GLIS1: variants seen among roughly 807,000 people sequenced by gnomAD.
GLIS1 encodes the protein GLIS family zinc finger 1, also known as zinc finger protein GLIS1.
A neutral mutation model predicts 63.8 loss-of-function variants in GLIS1; 24 were observed. The observed-to-expected ratio is 0.38, with a 90% CI of 0.27 to 0.53. The LOEUF is 0.53. GLIS1 is among the 20% of genes least tolerant of loss of function. The probability of loss-of-function intolerance (pLI) is 0.85; values close to 1 mark genes in which losing one functional copy is unlikely to be tolerated. For synonymous variants in GLIS1, 450 were observed against 482.5 expected (o/e 0.93, Z 0.88); for missense variants, 1,036 against 1,074.1 (o/e 0.96, Z 0.50).
chr1:53,722,074 A>G (rs1383781931), intron 2 of GLIS1, among the ~76,000 whole-genome samples: 3 of 152,250 alleles, frequency 2.0e-5, no homozygotes, highest in African/African-American at 7.2e-5. Context: ...CTAATAATCA[A>G]ACAAACATAT....
intron 2 of GLIS1, among the ~76,000 whole-genome samples, chr1:53,718,730 G>A (rs12354292): frequency 3.3e-5 from 5 of 152,112 alleles, no homozygotes; most frequent in Admixed American, 6.6e-5. Context: ...GTGGAAGTCT[G>A]GAAGTTCCCT....
At chr1:53,632,585 A>T (rs1269285985) in intron 2 of GLIS1, among the ~76,000 whole-genome samples, 6 of 141,136 alleles carry the variant, frequency 4.3e-5, no homozygotes, top group Middle Eastern at 4.5e-3. Context: ...CATGTGAATG[A>T]GTGTGACTGA....
chr1:53,638,820 G>A (rs1344029106), intron 2 of GLIS1, among the ~76,000 whole-genome samples: 1 of 152,180 alleles, frequency 6.6e-6, no homozygotes, highest in Non-Finnish European at 1.5e-5. Flanking sequence ...GGGAGCACAT[G>A]ACGAGGCGGG....
chr1:53,714,894 A>C lies in GLIS1; in HGVS notation c.259+22912T>G, dbSNP rs548430303. ...TTTTCCTTCTTAAACACAAGTTTTC[A>C]CTCTTTTCTTAAATTTATTTTTATT... On this transcript the variant is annotated intron_variant, in intron 2 of 10. Coordinates refer to ENST00000628545, the MANE Select transcript of GLIS1 (RefSeq NM_001367484.1). Among the ~76,000 whole-genome samples, 239 of 151,870 alleles carry C rather than the reference A, an allele frequency of 1.6e-3. 1 individual carries two copies. Among genetic ancestry groups the C allele is most frequent in the African/African-American group, 5.6e-3 (232 of 41,416 alleles).
intron 2 of GLIS1, among the ~76,000 whole-genome samples, chr1:53,706,064 C>A (rs968302918): frequency 6.6e-6 from 1 of 152,190 alleles, no homozygotes; most frequent in African/African-American, 2.4e-5. Flanking sequence ...TTATCTTTAA[C>A]AATGACAATA....
chr1:53,653,779 G>A (rs1335764176), intron 2 of GLIS1, among the ~76,000 whole-genome samples: 2 of 152,164 alleles, frequency 1.3e-5, no homozygotes, highest in Non-Finnish European at 2.9e-5. Context: ...GAGGTCAGCT[G>A]TGACCCCAGT....
chr1:53,562,554 C>A (rs1644902336), intron 4 of GLIS1, among the ~76,000 whole-genome samples: 1 of 152,154 alleles, frequency 6.6e-6, no homozygotes, highest in African/African-American at 2.4e-5. Flanking sequence ...CCTGTCAGAG[C>A]TGCAACCCCA....
rs368432164 is a variant in GLIS1 at position 53,680,187 on chromosome 1, T to TA, written c.259+57618dup. Among the ~76,000 whole-genome samples the TA allele has an allele frequency of 5.8e-3, 859 of 147,030 alleles. 3 individuals are homozygous for TA. Among genetic ancestry groups the TA allele is most frequent in the South Asian group, 0.013 (61 of 4,636 alleles). On this transcript the variant is annotated intron_variant, in intron 2 of 10. Transcript: ENST00000628545. ...TAGATTGTCTCAGCCACTAACAGCT[T>TA]AAAAAAAAAAAATTCAGATCAAATA... is the stretch of plus-strand genomic sequence containing the variant.
chr1:53,590,170 T>C (rs899947493), intron 4 of GLIS1, among the ~76,000 whole-genome samples: 15 of 152,232 alleles, frequency 9.9e-5, no homozygotes, highest in African/African-American at 3.6e-4. Context: ...TCATCTCTTT[T>C]ATCCCTAATC....
chr1:53,738,358 C>T (rs1229834894), intron 1 of GLIS1, among the ~76,000 whole-genome samples: 1 of 152,196 alleles, frequency 6.6e-6, no homozygotes, highest in East Asian at 1.9e-4. Context: ...CGCATTACCG[C>T]GAAGTCCCAC....
chr1:53,680,417 G>T (rs1176295618), intron 2 of GLIS1, among the ~76,000 whole-genome samples: 1 of 152,214 alleles, frequency 6.6e-6, no homozygotes, highest in Non-Finnish European at 1.5e-5. Flanking sequence ...CAGTACTGGG[G>T]TGGAAGGGGA....
At chr1:53,583,123 G>A (rs755925120) in intron 4 of GLIS1, among the ~76,000 whole-genome samples, 10 of 152,182 alleles carry the variant, frequency 6.6e-5, no homozygotes, top group Admixed American at 3.3e-4. Flanking sequence ...TAGGGACAGC[G>A]GGAAGATCAT....
At chr1:53,508,607 G>A (rs1357187133) in intron 10 of GLIS1, among the ~76,000 whole-genome samples, 1 of 152,082 alleles carries the variant, frequency 6.6e-6, no homozygotes, top group African/African-American at 2.4e-5. Context: ...CCTCTCCCTG[G>A]GCTTCTCTAG....
intron 2 of GLIS1, among the ~76,000 whole-genome samples, chr1:53,694,764 C>G (rs1646446795): frequency 6.6e-6 from 1 of 152,206 alleles, no homozygotes; most frequent in Non-Finnish European, 1.5e-5. Flanking sequence ...TAAATTCTCA[C>G]TATCATAGTA....
At position 53,600,090 on chromosome 1, in the gene GLIS1, C is replaced by T; in HGVS notation, c.437+11G>A. The T allele has an allele frequency of 5.7e-6, 7 of 1,226,526 alleles. No homozygotes were observed. The highest frequency in any genetic ancestry group is 7.1e-6 in the Non-Finnish European group (7 of 982,738). The allele number at this position is 1,226,526 out of a possible 1,614,324, so 76.0% of individuals were successfully genotyped here. Reference sequence around the variant, plus strand: ...TGGGAGTGTCCACAGAAAGCAGCTGCCCACACCTACCTGTCAGGGTGGGGG... The same window carrying T: ...TGGGAGTGTCCACAGAAAGCAGCTGTCCACACCTACCTGTCAGGGTGGGGG... On this transcript the variant is annotated intron_variant, in intron 3 of 10. Transcript: ENST00000628545.
chr1:53,548,249 AC>A (rs904329525), intron 4 of GLIS1, among the ~76,000 whole-genome samples: 2 of 152,208 alleles, frequency 1.3e-5, no homozygotes, highest in African/African-American at 4.8e-5. Flanking sequence ...GTGGGTGAGT[AC>A]TGAGAGCCTC....
chr1:53,687,227 G>A (rs1408747095), intron 2 of GLIS1, among the ~76,000 whole-genome samples: 1 of 152,166 alleles, frequency 6.6e-6, no homozygotes. Context: ...CTTGCCTCTT[G>A]GGCAGAGGAG....
chr1:53,629,145 C>CT (rs1257569164), intron 2 of GLIS1, among the ~76,000 whole-genome samples: 5 of 152,114 alleles, frequency 3.3e-5, no homozygotes, highest in African/African-American at 1.2e-4. Flanking sequence ...GGCTCTCCAG[C>CT]TATCTACCCT....
At chr1:53,619,382 G>C (rs1645517709) in intron 2 of GLIS1, among the ~76,000 whole-genome samples, 1 of 152,180 alleles carries the variant, frequency 6.6e-6, no homozygotes, top group South Asian at 2.1e-4. Flanking sequence ...CTGCTTCTAG[G>C]AAGGCTTCCC....
Sources: allele counts gnomAD v4.1 joint callset (sites outside exome capture counted in the v4.1 genomes callset), GRCh38; gene constraint gnomAD v4.1.1; transcripts MANE v1.5; gene names NCBI Gene and HGNC (gene_info 2026-07-23, HGNC 2026-07-21).